ITGAV: variants seen among roughly 807,000 people sequenced by gnomAD.
ITGAV encodes integrin alpha-V.
ITGAV carries 76 observed loss-of-function variants against 143.8 expected under a neutral mutation model. That is an observed-to-expected ratio of 0.53 (90% CI 0.44 to 0.64). The LOEUF (loss-of-function observed/expected upper bound fraction) is 0.64. ITGAV is among the 30% of genes least tolerant of loss of function. The pLI is 0.00. For synonymous variants in ITGAV, 453 were observed against 446.7 expected, an observed-to-expected ratio of 1.01 and a Z score of -0.18; for missense variants, 1,193 against 1,274.7, an observed-to-expected ratio of 0.94 and a Z score of 0.98.
chr2:186,652,956 T>G (rs1688478023), intron 15 of ITGAV, among the ~76,000 whole-genome samples: 1 of 112,356 alleles, frequency 8.9e-6, no homozygotes, highest in Admixed American at 9.6e-5. Flanking sequence ...TTTTTTTTTT[T>G]GAGACGGAGT....
chr2:186,645,529 C>T (rs1688230703), intron 12 of ITGAV, among the ~76,000 whole-genome samples: 1 of 151,720 alleles, frequency 6.6e-6, no homozygotes, highest in Non-Finnish European at 1.5e-5. Flanking sequence ...AATGGAAATA[C>T]CAGGTAGGGT....
chr2:186,657,819 A>T (rs1377747679), intron 17 of ITGAV, among the ~76,000 whole-genome samples: 1 of 152,168 alleles, frequency 6.6e-6, no homozygotes, highest in East Asian at 1.9e-4. Flanking sequence ...GAAAACCTGA[A>T]TAATCCTCTA....
At chr2:186,595,135 A>G (rs890148150) in intron 1 of ITGAV, among the ~76,000 whole-genome samples, 6 of 152,236 alleles carry the variant, frequency 3.9e-5, no homozygotes, top group Non-Finnish European at 8.8e-5. Flanking sequence ...ATTCAGTACT[A>G]TTTCATACAC....
chr2:186,672,411 T>C (rs1349696715), intron 26 of ITGAV, among the ~76,000 whole-genome samples: 3 of 152,260 alleles, frequency 2.0e-5, no homozygotes, highest in African/African-American at 7.2e-5. Context: ...TAAACATGTT[T>C]TTCAGTTTTA....
Position 186,619,073 on chromosome 2 carries a change from A to G in ITGAV, c.317-3266A>G, listed in dbSNP as rs145281877. 3.4e-3 allele frequency among the ~76,000 whole-genome samples: 506 copies of G among 149,778 alleles called. 5 individuals are homozygous for G. Among genetic ancestry groups the G allele is most frequent in the Middle Eastern group, 0.025 (7 of 280 alleles). ...TATATGTATGTATGTGTATATATATATATGTACATGCATTATATACATTAT... is the reference window on the plus strand; with the variant it reads ...TATATGTATGTATGTGTATATATATGTATGTACATGCATTATATACATTAT... On this transcript the variant is annotated intron_variant, in intron 2 of 29. Transcript: ENST00000261023.
chr2:186,665,337 C>T (rs1413022139), intron 21 of ITGAV, 119 bp downstream of exon 21: 6 of 660,656 alleles, frequency 9.1e-6, no homozygotes, highest in South Asian at 5.6e-5. Flanking sequence ...AAATTGGTTT[C>T]GATATAATAG....
rs1044010918 is a variant in ITGAV at position 186,604,216 on chromosome 2, TCTTA to T, written c.316+2069_316+2072del. On this transcript the variant is annotated intron_variant, in intron 2 of 29. Coordinates refer to ENST00000261023, the MANE Select transcript of ITGAV (RefSeq NM_002210.5). ...AATTTCTTTTATCCTTCTAGAATTT[TCTTA>T]CTTCTATATATGTATGCATCCTTGA... Among the ~76,000 whole-genome samples the T allele has an allele frequency of 2.8e-4, 42 of 152,198 alleles. 1 individual carries two copies. The highest frequency in any genetic ancestry group is 9.9e-4 in the African/African-American group (41 of 41,522).
intron 14 of ITGAV, 125 bp downstream of exon 14, chr2:186,650,010 A>C: frequency 1.6e-6 from 1 of 617,628 alleles, no homozygotes; most frequent in Non-Finnish European, 2.7e-6. Flanking sequence ...TGCTCTTTCT[A>C]TTCATGATTT....
intron 28 of ITGAV, 142 bp downstream of exon 28, chr2:186,676,069 G>A: frequency 3.3e-6 from 2 of 600,740 alleles, no homozygotes; most frequent in Admixed American, 3.2e-5. Flanking sequence ...TTATAACCTA[G>A]TTTAATATTA....
intron 1 of ITGAV, 52 bp from the exon 2 acceptor site, chr2:186,601,969 T>C (rs994557567): frequency 9.0e-6 from 14 of 1,556,638 alleles, no homozygotes; most frequent in Middle Eastern, 1.7e-4. Flanking sequence ...TCAGAAGATA[T>C]TGCTTACACT....
chr2:186,651,198 T>C (rs1399666999), intron 14 of ITGAV, among the ~76,000 whole-genome samples: 2 of 152,208 alleles, frequency 1.3e-5, no homozygotes, highest in Non-Finnish European at 2.9e-5. Flanking sequence ...ACACTAACAT[T>C]AGTGCTATGT....
chr2:186,647,441 G>C (rs540344748), intron 13 of ITGAV, among the ~76,000 whole-genome samples: 2 of 152,130 alleles, frequency 1.3e-5, no homozygotes, highest in Non-Finnish European at 2.9e-5. Context: ...TTGCCATGTT[G>C]CCCAGGCTGG....
At chr2:186,639,188 TA>T (rs913469582) in intron 10 of ITGAV, among the ~76,000 whole-genome samples, 12 of 152,232 alleles carry the variant, frequency 7.9e-5, no homozygotes, top group Non-Finnish European at 1.6e-4. Context: ...AGGCATTTTA[TA>T]ATATTCTCTG....
At chr2:186,600,183 C>A (rs1218083781) in intron 1 of ITGAV, 1 of 653,812 alleles carries the variant, frequency 1.5e-6, no homozygotes, top group African/African-American at 1.8e-5. Context: ...CCCGGCTTGT[C>A]CCCTCCTTCA....
At chr2:186,629,879 A>G (rs1687770810) in intron 4 of ITGAV, among the ~76,000 whole-genome samples, 1 of 152,110 alleles carries the variant, frequency 6.6e-6, no homozygotes, top group Non-Finnish European at 1.5e-5. Flanking sequence ...ATTCATCCTT[A>G]CATGTGTTCT....
At chr2:186,673,755 C>T (rs1023812713) in intron 26 of ITGAV, among the ~76,000 whole-genome samples, 7 of 151,996 alleles carry the variant, frequency 4.6e-5, no homozygotes, top group South Asian at 2.1e-4. Flanking sequence ...GCAACCTCCA[C>T]CTCCCAGGCT....
chr2:186,632,384 A>C (rs569096099), intron 5 of ITGAV, among the ~76,000 whole-genome samples: 1 of 151,394 alleles, frequency 6.6e-6, no homozygotes, highest in Non-Finnish European at 1.5e-5. Context: ...CATTTCTGAG[A>C]AAAGGGTGTC....
In ITGAV at chr2:186,640,920, T is replaced by C. The variant is rs1271348423; in HGVS notation, c.909T>C (p.Ala303=). The stretch of plus-strand genomic sequence containing the variant: ...ATTTTCATCTTTTTATCCAGATGGC[T>C]GCATATTTCGGATTTTCTGTAGCTG... ...SLYNFTGEQM[A]AYFGFSVAAT... is the part of the protein sequence containing the mutation. Residue 303 remains alanine, a synonymous_variant, in exon 11 of 30, where the codon GCT becomes GCC. Coordinates refer to ENST00000261023, the MANE Select transcript of ITGAV (RefSeq NM_002210.5). 1.3e-6 allele frequency: 2 copies of C among 1,592,118 alleles called. No homozygotes were observed. Among genetic ancestry groups the C allele is most frequent in the East Asian group, 2.2e-5 (1 of 44,564 alleles).
At chr2:186,651,125 A>C (rs1227905202) in intron 14 of ITGAV, among the ~76,000 whole-genome samples, 1 of 152,218 alleles carries the variant, frequency 6.6e-6, no homozygotes, top group African/African-American at 2.4e-5. Flanking sequence ...GTAGAATATC[A>C]GTTGGCATCC....
Sources: allele counts gnomAD v4.1 joint callset (sites outside exome capture counted in the v4.1 genomes callset), GRCh38; gene constraint gnomAD v4.1.1; transcripts MANE v1.5; gene names NCBI Gene and HGNC (gene_info 2026-07-23, HGNC 2026-07-21).